The following ZNF618 variants were observed in gnomAD, a reference collection of about 807,000 sequenced individuals.
ZNF618 encodes neural precursor cell expressed, developmentally down-regulated 10.
A neutral mutation model predicts 103.0 loss-of-function variants in ZNF618; 34 were observed. That is an observed-to-expected ratio of 0.33 (90% CI 0.25 to 0.44). The LOEUF (loss-of-function observed/expected upper bound fraction) is 0.44, where lower values mean the gene tolerates loss of function less well. Among genes scored for constraint, ZNF618 ranks in the 20% least tolerant of loss-of-function variants. The pLI, the probability that ZNF618 is intolerant of heterozygous loss-of-function variation, is 1.00. For synonymous variants in ZNF618, 551 were observed against 542.2 expected, an observed-to-expected ratio of 1.02 and a Z score of -0.23; for missense variants, 1,059 against 1,295.4, an observed-to-expected ratio of 0.82 and a Z score of 2.80.
At chr9:113,987,783 C>A (rs1372589970) in intron 2 of ZNF618, among the ~76,000 whole-genome samples, 2 of 152,158 alleles carry the variant, frequency 1.3e-5, no homozygotes, top group Non-Finnish European at 2.9e-5. Context: ...CGCTTGAGCC[C>A]AGGAGTTTGT....
chr9:113,894,596 A>T (rs1214125216), intron 1 of ZNF618, among the ~76,000 whole-genome samples: 1 of 152,214 alleles, frequency 6.6e-6, no homozygotes, highest in Admixed American at 6.5e-5. Flanking sequence ...CCACCCGGTA[A>T]CATGGTCTGT....
chr9:113,884,278 G>A (rs1828837202), intron 1 of ZNF618, among the ~76,000 whole-genome samples: 1 of 152,146 alleles, frequency 6.6e-6, no homozygotes. Context: ...GAGAGCCAAG[G>A]CACGGCTCCC....
At chr9:113,948,785 A>G in intron 1 of ZNF618, among the ~76,000 whole-genome samples, 1 of 152,174 alleles carries the variant, frequency 6.6e-6, no homozygotes, top group East Asian at 1.9e-4. Context: ...TGGCTACAGA[A>G]GGCAGCGCTG....
In ZNF618 at chr9:113,973,217, G is replaced by T. The variant is rs142856495; in HGVS notation, c.77+4057G>T. ...TTAATCCTTCTTCAGATGGAGAAAT[G>T]AAGGGCCTGAAGTTCCCCAAAGTCA... On this transcript the variant is annotated intron_variant, in intron 2 of 14. Transcript: ENST00000374126. Among the ~76,000 whole-genome samples, 144 of 152,296 alleles carry T rather than the reference G, an allele frequency of 9.5e-4. 2 individuals carry two copies. Among genetic ancestry groups the T allele is most frequent in the African/African-American group, 3.0e-3 (123 of 41,554 alleles).
chr9:113,919,702 A>G (rs971600267), intron 1 of ZNF618, among the ~76,000 whole-genome samples: 2 of 152,196 alleles, frequency 1.3e-5, no homozygotes, highest in Non-Finnish European at 2.9e-5. Flanking sequence ...TTGGATTTGC[A>G]GAGCAGACAG....
chr9:113,882,613 G>A (rs1310882101), intron 1 of ZNF618, among the ~76,000 whole-genome samples: 14 of 152,192 alleles, frequency 9.2e-5, no homozygotes, highest in Admixed American at 9.2e-4. Context: ...CTTTAAAACA[G>A]CCTGCCATCC....
At chr9:113,985,929 GT>G (rs1839432995) in intron 2 of ZNF618, among the ~76,000 whole-genome samples, 1 of 152,202 alleles carries the variant, frequency 6.6e-6, no homozygotes, top group South Asian at 2.1e-4. Flanking sequence ...CTGTTTAAGT[GT>G]TTCTTAAGTA....
At chr9:113,962,809 G>C (rs180945641) in intron 1 of ZNF618, among the ~76,000 whole-genome samples, 4 of 151,622 alleles carry the variant, frequency 2.6e-5, no homozygotes, top group Non-Finnish European at 5.9e-5. Context: ...TGACTCCCCC[G>C]CCTCCCCCAC....
chr9:113,879,023 G>C (rs1456480356), intron 1 of ZNF618, among the ~76,000 whole-genome samples: 1 of 150,862 alleles, frequency 6.6e-6, no homozygotes, highest in South Asian at 2.1e-4. Context: ...TTTTTAAGTA[G>C]CATAATTAAA....
intron 14 of ZNF618, 108 bp from the exon 15 acceptor site, chr9:114,048,543 A>G: frequency 2.5e-6 from 3 of 1,195,782 alleles, no homozygotes; most frequent in South Asian, 3.0e-5. Context: ...GCAAGAGGAA[A>G]TATATTTGCC....
chr9:113,919,367 G>A (rs1832430147), intron 1 of ZNF618, among the ~76,000 whole-genome samples: 2 of 152,206 alleles, frequency 1.3e-5, no homozygotes, highest in South Asian at 2.1e-4. Context: ...CACAGGCCTC[G>A]CTTGAATATT....
chr9:113,986,101 T>C (rs1034696995), intron 2 of ZNF618, among the ~76,000 whole-genome samples: 1 of 152,170 alleles, frequency 6.6e-6, no homozygotes, highest in Non-Finnish European at 1.5e-5. Flanking sequence ...AGTGTGTCAT[T>C]ATTAACAATG....
At chr9:113,957,594 A>C (rs1003086017) in intron 1 of ZNF618, among the ~76,000 whole-genome samples, 10 of 152,192 alleles carry the variant, frequency 6.6e-5, no homozygotes, top group African/African-American at 2.4e-4. Flanking sequence ...CATGCCAGAC[A>C]TGCCAGCATT....
At chr9:113,980,718 A>G (rs895634755) in intron 2 of ZNF618, among the ~76,000 whole-genome samples, 1 of 152,222 alleles carries the variant, frequency 6.6e-6, no homozygotes, top group South Asian at 2.1e-4. Context: ...CACAAGAGAT[A>G]AGAATGTCCA....
Position 114,049,274 on chromosome 9 carries a change from A to T in ZNF618, c.1972A>T (p.Met658Leu). ...CAAGCGGACACTGCAGGCCCGCAGC[A>T]TGCACGAGGTCATCGAGCTGCTCAA... ...LSKRTLQARS[M>L]HEVIELLNVC... The change falls in exon 15 of 15, where the codon ATG (methionine) becomes TTG (leucine). Residue 658 changes from methionine to leucine, a missense_variant. Met to Leu is a conservative substitution (Grantham distance 15). Coordinates refer to ENST00000374126, the MANE Select transcript of ZNF618 (RefSeq NM_001318042.2). The T allele has an allele frequency of 1.9e-6, 3 of 1,612,594 alleles. No homozygotes were observed. The highest frequency in any genetic ancestry group is 2.5e-6 in the Non-Finnish European group (3 of 1,179,658).
At chr9:113,878,241 A>C (rs1427816147) in intron 1 of ZNF618, among the ~76,000 whole-genome samples, 1 of 151,874 alleles carries the variant, frequency 6.6e-6, no homozygotes, top group African/African-American at 2.4e-5. Flanking sequence ...TAAAAGAGGG[A>C]TGGGCAAAAA....
chr9:113,952,340 T>C (rs960869097), intron 1 of ZNF618, among the ~76,000 whole-genome samples: 2 of 152,184 alleles, frequency 1.3e-5, no homozygotes, highest in African/African-American at 4.8e-5. Context: ...TACCACCCCT[T>C]CCCTGCACAC....
At chr9:113,956,553 T>A (rs1367419022) in intron 1 of ZNF618, among the ~76,000 whole-genome samples, 3 of 152,200 alleles carry the variant, frequency 2.0e-5, no homozygotes. Context: ...TAACACATCC[T>A]TAGGCCTAGG....
At chr9:113,896,348 T>A (rs1830044020) in intron 1 of ZNF618, among the ~76,000 whole-genome samples, 2 of 152,102 alleles carry the variant, frequency 1.3e-5, no homozygotes, top group Admixed American at 6.5e-5. Flanking sequence ...GATGTGTAAG[T>A]GTAGCCTAAC....
Sources: allele counts gnomAD v4.1 joint callset (sites outside exome capture counted in the v4.1 genomes callset), GRCh38; gene constraint gnomAD v4.1.1; transcripts MANE v1.5; gene names NCBI Gene and HGNC (gene_info 2026-07-23, HGNC 2026-07-21).